KPNA7: variants seen among roughly 807,000 people sequenced by gnomAD.
The protein encoded by KPNA7 is karyopherin subunit alpha 7, also known as importin subunit alpha-8.
Under a neutral mutation model 53.7 loss-of-function variants are expected in KPNA7, and 54 were observed. The ratio of observed to expected loss-of-function variants is 1.01; its 90% confidence interval spans 0.81 to 1.26. The LOEUF is 1.26. KPNA7 is among the 50% of genes most tolerant of loss of function. The pLI is 0.00. For missense variants in KPNA7, 640 were observed against 644.5 expected, an observed-to-expected ratio of 0.99 and a Z score of 0.07; for synonymous variants, 276 against 259.3, an observed-to-expected ratio of 1.06 and a Z score of -0.62.
intron 6 of KPNA7, among the ~76,000 whole-genome samples, chr7:99,190,668 TG>T (rs71108427): frequency 1.8e-4 from 27 of 150,246 alleles, no homozygotes; most frequent in African/African-American, 6.1e-4. Flanking sequence ...TTTTTTTTTT[TG>T]GGGGGAGACA....
At chr7:99,217,476 C>T (rs1323676646) in intron 1 of KPNA7, among the ~76,000 whole-genome samples, 1 of 152,152 alleles carries the variant, frequency 6.6e-6, no homozygotes, top group African/African-American at 2.4e-5. Flanking sequence ...TCCCAGCAGC[C>T]TCTGCCTCAA....
In KPNA7 at chr7:99,203,563, C is replaced by T. The variant is rs115955620; in HGVS notation, c.67-323G>A. ...AAGTCTGAACACATCTTCATTGATG[C>T]TGATGATTTCCTGAAGAATATGGCT... is the stretch of plus-strand genomic sequence containing the variant. On this transcript the variant is annotated intron_variant, in intron 2 of 10. Coordinates refer to ENST00000327442, the MANE Select transcript of KPNA7 (RefSeq NM_001145715.3). Among the ~76,000 whole-genome samples, 825 of 152,212 alleles carry T rather than the reference C, an allele frequency of 5.4e-3. 6 individuals carry two copies. Among genetic ancestry groups the T allele is most frequent in the African/African-American group, 0.019 (806 of 41,542 alleles).
At chr7:99,217,230 G>C (rs796844065) in intron 1 of KPNA7, among the ~76,000 whole-genome samples, 5 of 152,106 alleles carry the variant, frequency 3.3e-5, no homozygotes. Flanking sequence ...TGCCCAGCCC[G>C]GCTGCAGCTG....
chr7:99,199,580 C>T (rs913022269), intron 3 of KPNA7, among the ~76,000 whole-genome samples: 5 of 152,110 alleles, frequency 3.3e-5, no homozygotes, highest in African/African-American at 1.2e-4. Flanking sequence ...TCACCATTTA[C>T]AAAAATTAAC....
At chr7:99,166,399 C>T in the KPNA7 span, among the ~76,000 whole-genome samples, 192 of 152,230 alleles carry the variant, frequency 1.3e-3, no homozygotes, top group African/African-American at 4.3e-3. Flanking sequence ...TGCTGCAACC[C>T]TGCCCCCCAC....
chr7:99,187,538 A>C (rs939401478), intron 7 of KPNA7, among the ~76,000 whole-genome samples: 5 of 144,584 alleles, frequency 3.5e-5, no homozygotes, highest in African/African-American at 1.3e-4. Context: ...ACAGGTATGC[A>C]CCACCACACC....
intron 1 of KPNA7, among the ~76,000 whole-genome samples, chr7:99,213,894 C>G (rs1277846557): frequency 6.6e-6 from 1 of 152,108 alleles, no homozygotes; most frequent in Non-Finnish European, 1.5e-5. Context: ...TGCACATGAG[C>G]CACTGCACCT....
chr7:99,178,592 C>T (rs976259860), intron 9 of KPNA7, among the ~76,000 whole-genome samples: 5 of 151,580 alleles, frequency 3.3e-5, no homozygotes, highest in Non-Finnish European at 7.4e-5. Flanking sequence ...AAAGAAGATA[C>T]ACAGGGAAGA....
intron 6 of KPNA7, among the ~76,000 whole-genome samples, chr7:99,188,825 C>G (rs949058573): frequency 6.6e-6 from 1 of 151,934 alleles, no homozygotes; most frequent in South Asian, 2.1e-4. Flanking sequence ...TTACAGGTGC[C>G]CGCCACCACA....
At chr7:99,151,934 C>G in the KPNA7 span, among the ~76,000 whole-genome samples, 1 of 152,098 alleles carries the variant, frequency 6.6e-6, no homozygotes, top group Non-Finnish European at 1.5e-5. Flanking sequence ...CCTGTAATCC[C>G]AGCACTTTGG....
At chr7:99,209,132 A>T (rs1250490691), upstream of KPNA7, among the ~76,000 whole-genome samples, 1 of 152,154 alleles carries the variant, frequency 6.6e-6, no homozygotes, top group Non-Finnish European at 1.5e-5. Context: ...AGCCTGGGCA[A>T]CAGAGTAAGA....
intron 5 of KPNA7, among the ~76,000 whole-genome samples, chr7:99,194,740 A>G (rs1471194956): frequency 6.6e-6 from 1 of 152,044 alleles, no homozygotes; most frequent in Non-Finnish European, 1.5e-5. Context: ...AGTAGCTGGG[A>G]CTACAGGGCA....
intron 8 of KPNA7, 51 bp from the exon 9 acceptor site, chr7:99,182,116 A>C: frequency 2.9e-6 from 4 of 1,396,692 alleles, no homozygotes; most frequent in Non-Finnish European, 3.9e-6. Flanking sequence ...GAACCTAAAT[A>C]GAGGACACCA....
intron 10 of KPNA7, among the ~76,000 whole-genome samples, chr7:99,177,646 G>A (rs1798958775): frequency 6.8e-6 from 1 of 148,046 alleles, no homozygotes; most frequent in South Asian, 2.1e-4. Flanking sequence ...CTCCCAAAAA[G>A]GAGACCAGTA....
the KPNA7 span, among the ~76,000 whole-genome samples, chr7:99,163,383 A>ATATATATT: frequency 1.2e-4 from 5 of 40,818 alleles, 1 homozygote; most frequent in South Asian, 2.8e-3. Flanking sequence ...ATATATATAT[A>ATATATATT]TTTTTTTTTT....
chr7:99,190,374 GA>G (rs1257578276), intron 6 of KPNA7, among the ~76,000 whole-genome samples: 1 of 148,808 alleles, frequency 6.7e-6, no homozygotes, highest in Non-Finnish European at 1.5e-5. Flanking sequence ...AGAAAAAAAA[GA>G]AAGAGCTCTT....
intron 2 of KPNA7, among the ~76,000 whole-genome samples, chr7:99,204,065 T>A (rs75104114): frequency 0.079 from 12,043 of 152,110 alleles, 512 homozygotes; most frequent in South Asian, 0.15. Flanking sequence ...CATCCCCAAG[T>A]CTACATACTG....
chr7:99,177,995 A>G lies in KPNA7; in HGVS notation c.1389T>C (p.Ile463=). The G allele has an allele frequency of 6.4e-7, 1 of 1,551,790 alleles. No individual in the cohort carries two copies. The highest frequency in any genetic ancestry group is 8.7e-7 in the Non-Finnish European group (1 of 1,147,016). The change falls in exon 10 of 11, where the codon ATT becomes ATC. Residue 463 remains isoleucine, a synonymous_variant. Coordinates refer to ENST00000327442, the MANE Select transcript of KPNA7 (RefSeq NM_001145715.3). ...LIEELGGIDR[I]EALQLHENRQ... ...GGTTCTCATGCAGCTGTAAAGCCTC[A>G]ATTCTATCGATCCCACCAAGTTCTT... is the stretch of plus-strand genomic sequence containing the variant.
chr7:99,178,289 G>T (rs1798997810), intron 9 of KPNA7, among the ~76,000 whole-genome samples: 1 of 152,084 alleles, frequency 6.6e-6, no homozygotes, highest in Non-Finnish European at 1.5e-5. Flanking sequence ...TAAATATAGG[G>T]CCGGGCGCAG....
Sources: allele counts gnomAD v4.1 joint callset (sites outside exome capture counted in the v4.1 genomes callset), GRCh38; gene constraint gnomAD v4.1.1; transcripts MANE v1.5; gene names NCBI Gene and HGNC (gene_info 2026-07-23, HGNC 2026-07-21).